The following IKZF4 variants were observed in gnomAD, a reference collection of about 807,000 sequenced individuals.
IKZF4 encodes IKAROS family zinc finger 4, also known as zinc finger protein Eos.
Under a neutral mutation model 47.7 loss-of-function variants are expected in IKZF4, and 11 were observed. The observed-to-expected ratio is 0.23, with a 90% CI of 0.15 to 0.38. The LOEUF is 0.38. Ranked by LOEUF, IKZF4 falls within the 10% of genes least tolerant of loss-of-function variation. The pLI is 1.00. For synonymous variants in IKZF4, 298 were observed against 299.4 expected, an observed-to-expected ratio of 1.00 and a Z score of 0.05; for missense variants, 557 against 784.9, an observed-to-expected ratio of 0.71 and a Z score of 3.47.
Position 56,027,777 on chromosome 12 carries a change from C to G in IKZF4, c.548-3C>G, listed in dbSNP as rs752903267. ...CCTCTGGGATTTGTTCTTTCACTTG[C>G]AGGTGAAAGGCCCTTCCATTGCAAC... On this transcript the variant is annotated splice_region_variant and splice_polypyrimidine_tract_variant and intron_variant, in intron 4 of 7. Coordinates refer to ENST00000547167, the MANE Select transcript of IKZF4 (RefSeq NM_022465.4). 5.6e-6 allele frequency: 9 copies of G among 1,611,668 alleles called. No homozygotes were observed. The Admixed American group carries it at 1.0e-4, about 18-fold the overall frequency.
At chr12:56,027,681 C>T in intron 4 of IKZF4, 99 bp from the exon 5 acceptor site, 1 of 1,207,390 alleles carries the variant, frequency 8.3e-7, no homozygotes, top group Non-Finnish European at 1.2e-6. Context: ...GTGTTCAGAG[C>T]ACCTTCCCTT....
chr12:56,035,396 C>A lies in IKZF4; in HGVS notation c.*65C>A. The A allele has an allele frequency of 6.6e-7, 1 of 1,512,744 alleles. No individual in the cohort carries two copies. The highest frequency in any genetic ancestry group is 8.9e-7 in the Non-Finnish European group (1 of 1,120,674). The allele number at this position is 1,512,744 out of a possible 1,614,324, so 93.7% of individuals were successfully genotyped here. On this transcript the variant is annotated 3_prime_UTR_variant, in exon 8 of 8. Coordinates refer to ENST00000547167, the MANE Select transcript of IKZF4 (RefSeq NM_022465.4). The surrounding 1 kb of genome is among the most constrained non-coding windows in gnomAD (Gnocchi z 6.1). ...CTGACTACAGGCATTGATCCCTGTC[C>A]CCACCATTTCCCAAGGAGTTTTGCT...
intron 1 of IKZF4, among the ~76,000 whole-genome samples, chr12:56,022,743 T>C (rs1419022667): frequency 6.6e-6 from 1 of 151,942 alleles, no homozygotes; most frequent in Non-Finnish European, 1.5e-5. Flanking sequence ...CTTCTCTTCC[T>C]GTTTCTGGGC....
chr12:56,007,757 T>TG (rs71446524), intron 1 of IKZF4: 10,571 of 118,542 alleles, frequency 0.089, 402 homozygotes, highest in Non-Finnish European at 0.1. Flanking sequence ...CGGGGCTTGG[T>TG]GGGGGTAAAG....
intron 1 of IKZF4, chr12:56,010,103 C>T (rs944489033): frequency 6.6e-6 from 1 of 152,036 alleles, no homozygotes; most frequent in African/African-American, 2.4e-5. Context: ...TATTTCTAGC[C>T]TCGTTTTACT....
intron 2 of IKZF4, among the ~76,000 whole-genome samples, chr12:56,013,978 C>G (rs1170601264): frequency 6.6e-6 from 1 of 152,166 alleles, no homozygotes; most frequent in Non-Finnish European, 1.5e-5. Context: ...TGGCAAAACC[C>G]TGTCTCTACT....
At position 56,038,114 on chromosome 12, in the gene IKZF4, AAAAT is replaced by A. The variant is rs1477055851; in HGVS notation, c.*2787_*2790del. 1.3e-5 allele frequency: 2 copies of A among 151,522 alleles called. No homozygotes were observed. Among genetic ancestry groups the A allele is most frequent in the African/African-American group, 2.4e-5 (1 of 41,330 alleles). 9.4% of individuals were successfully genotyped at this position (151,522 alleles called of 1,614,324 possible). A position where few individuals can be genotyped will look rare whatever the true frequency, so the allele number is the denominator to read the frequency against. ...CAGAAGTTATGAAGAACAAAAAGAA[AAAAT>A]AAACACAGAAGCAAGTGCAATACCA... On this transcript the variant is annotated 3_prime_UTR_variant, in exon 8 of 8. Transcript: ENST00000547167.
At position 56,032,565 on chromosome 12, in the gene IKZF4, C is replaced by T. The variant is rs1895062085; in HGVS notation, c.720C>T (p.Ser240=). 1.2e-6 allele frequency: 2 copies of T among 1,612,040 alleles called. No homozygotes were observed. Among genetic ancestry groups the T allele is most frequent in the African/African-American group, 1.3e-5 (1 of 74,890 alleles). The change falls in exon 6 of 8, where the codon TCC becomes TCT. Residue 240 remains serine (S), a synonymous_variant. Transcript: ENST00000547167. ...LTGHLRTHSV[S]SPTVGKPYKC... ...TCTTTCCACTCTCCTCCACAGTCTC[C>T]TCTCCCACAGTGGGCAAGCCCTACA... is the stretch of plus-strand genomic sequence containing the variant.
Position 56,034,893 on chromosome 12 carries a change from C to T in IKZF4, c.1320C>T (p.Gly440=). Residue 440 remains glycine, a synonymous_variant, in exon 8 of 8, where the codon GGC becomes GGT. Transcript: ENST00000547167. ...DGGPLLYRPR[G]PLTDPGASPS... ...GTCCCCTCCTCTACCGGCCCCGAGG[C>T]CCCCTGACTGACCCTGGGGCATCCC... 1 of 1,606,564 alleles carries T rather than the reference C, an allele frequency of 6.2e-7. No homozygotes were observed.
intron 5 of IKZF4, among the ~76,000 whole-genome samples, chr12:56,030,931 G>C (rs903315204): frequency 6.6e-5 from 10 of 152,150 alleles, no homozygotes; most frequent in Non-Finnish European, 4.4e-5. Context: ...CGCTAGAAGA[G>C]ATTATTTTGA....
chr12:56,017,223 T>TCCCCCCAC (rs1892203695), upstream of IKZF4, among the ~76,000 whole-genome samples: 1 of 122,440 alleles, frequency 8.2e-6, no homozygotes, highest in African/African-American at 3.3e-5. Context: ...AAATTCAGAC[T>TCCCCCCAC]CCCCCCCCGC....
intron 6 of IKZF4, 130 bp downstream of exon 6, chr12:56,032,840 A>G (rs1895096381): frequency 8.9e-7 from 1 of 1,127,888 alleles, no homozygotes; most frequent in Non-Finnish European, 1.3e-6. Context: ...ACCCCAGTAA[A>G]TCTGCCAAAC....
chr12:56,018,072 C>G (rs35961650), upstream of IKZF4: 111,795 of 1,031,012 alleles, frequency 0.11, 8,785 homozygotes, highest in African/African-American at 0.4. Flanking sequence ...TAAAGAAAAG[C>G]CTCCTCCCTT....
chr12:56,024,724 T>C, intron 2 of IKZF4: 1 of 1,202,860 alleles, frequency 8.3e-7, no homozygotes, highest in East Asian at 5.6e-5. Context: ...CCTGAACATC[T>C]GTCCCTTCTG....
intron 1 of IKZF4, chr12:56,021,788 T>C: frequency 1.3e-6 from 1 of 754,854 alleles, no homozygotes; most frequent in Non-Finnish European, 2.1e-6. Context: ...GGGTGTTTGG[T>C]GTTGCTAAGC....
At chr12:56,032,205 C>T (rs562869412) in intron 5 of IKZF4, 2 of 207,994 alleles carry the variant, frequency 9.6e-6, no homozygotes, top group South Asian at 1.6e-4. Context: ...GCCCCAGACT[C>T]TGAGATCCTG....
chr12:56,014,395 C>T (rs1232150809), intron 2 of IKZF4, among the ~76,000 whole-genome samples: 1 of 152,198 alleles, frequency 6.6e-6, no homozygotes. Context: ...ATGAGATACA[C>T]TTCCTGAGCC....
At position 56,021,341 on chromosome 12, in the gene IKZF4, G is replaced by T; in HGVS notation, c.-153G>T. 6.5e-7 allele frequency: 1 copy of T among 1,538,270 alleles called. No individual in the cohort carries two copies. ...ACTCAACACACATACACCCTGGGCT[G>T]AGCTGCTCTTGCTGGCTGCAGCCGT... On this transcript the variant is annotated 5_prime_UTR_variant, in exon 1 of 8. Coordinates refer to ENST00000547167, the MANE Select transcript of IKZF4 (RefSeq NM_022465.4).
chr12:56,008,379 A>T (rs531689811), intron 1 of IKZF4, among the ~76,000 whole-genome samples: 12 of 152,212 alleles, frequency 7.9e-5, no homozygotes, highest in East Asian at 7.7e-4. Context: ...TCCAGACGGG[A>T]GCTGCAAACT....
Sources: allele counts gnomAD v4.1 joint callset (sites outside exome capture counted in the v4.1 genomes callset), GRCh38; gene constraint gnomAD v4.1.1; non-coding constraint Gnocchi (gnomAD v3.1); transcripts MANE v1.5; gene names NCBI Gene and HGNC (gene_info 2026-07-23, HGNC 2026-07-21).